Variants in KLRG1 observed in about 807,000 individuals in gnomAD.
KLRG1 encodes killer cell lectin like receptor G1, also known as killer cell lectin-like receptor subfamily G member 1.
KLRG1 carries 16 observed loss-of-function variants against 21.8 expected under a neutral mutation model. That is an observed-to-expected ratio of 0.73 (90% CI 0.50 to 1.11). KLRG1 has a LOEUF of 1.11. KLRG1 is among the 50% of genes most tolerant of loss of function. KLRG1 has a pLI of 0.00. For missense variants in KLRG1, 173 were observed against 218.3 expected, an observed-to-expected ratio of 0.79 and a Z score of 1.31; for synonymous variants, 69 against 75.9, an observed-to-expected ratio of 0.91 and a Z score of 0.47.
the KLRG1 span, among the ~76,000 whole-genome samples, chr12:9,069,311 G>T: frequency 6.6e-6 from 1 of 152,204 alleles, no homozygotes. Flanking sequence ...TATAAAATCA[G>T]ATTGGTTTAC....
the KLRG1 span, among the ~76,000 whole-genome samples, chr12:9,063,820 T>A: frequency 5.9e-5 from 9 of 152,212 alleles, no homozygotes; most frequent in East Asian, 1.7e-3. Context: ...TATTATAGCA[T>A]GGGATATTGT....
chr12:9,052,159 G>A, the KLRG1 span, among the ~76,000 whole-genome samples: 2 of 152,148 alleles, frequency 1.3e-5, no homozygotes, highest in East Asian at 3.9e-4. Context: ...ATTAAATACA[G>A]GATAGTGGAT....
intron 3 of KLRG1, among the ~76,000 whole-genome samples, chr12:9,007,188 A>G (rs977257696): frequency 2.6e-5 from 4 of 152,228 alleles, no homozygotes; most frequent in Non-Finnish European, 5.9e-5. Flanking sequence ...ACCATGAGAA[A>G]TAGCACAAAA....
the KLRG1 span, among the ~76,000 whole-genome samples, chr12:9,022,296 G>T: frequency 6.6e-6 from 1 of 152,214 alleles, no homozygotes; most frequent in East Asian, 1.9e-4. Context: ...ATACCTGAGT[G>T]TTTGTGCAGT....
At chr12:9,012,724 C>T (rs1947649239), downstream of KLRG1, among the ~76,000 whole-genome samples, 1 of 151,960 alleles carries the variant, frequency 6.6e-6, no homozygotes, top group South Asian at 2.1e-4. Flanking sequence ...GTCCTTGATT[C>T]CAGGCTCCTG....
the KLRG1 span, among the ~76,000 whole-genome samples, chr12:9,094,340 CATATATATATATATATATAT>C: frequency 5.1e-3 from 496 of 97,034 alleles, 8 homozygotes; most frequent in African/African-American, 0.017. Context: ...AAAAATTGTG[CATATATATATATATATATAT>C]ATATATATAT....
chr12:8,972,650 A>G (rs770328483), intron 1 of KLRG1, among the ~76,000 whole-genome samples: 13 of 152,096 alleles, frequency 8.5e-5, no homozygotes, highest in South Asian at 2.1e-4. Context: ...TGTGCTCCCT[A>G]TTCTCATCCA....
Position 8,954,297 on chromosome 12 carries a change from T to C in KLRG1, c.-156+4061T>C, listed in dbSNP as rs117629880. ...GCGGGGTAGGGGAAATGGGAAGATG[T>C]AGGTCAAAAGGTACGAAGTTGCGGT... On this transcript the variant is annotated intron_variant, in intron 1 of 4. Transcript: ENST00000539240. Among the ~76,000 whole-genome samples the C allele has an allele frequency of 4.0e-3, 607 of 152,064 alleles. 5 individuals carry two copies. The highest frequency in any genetic ancestry group is 7.5e-3 in the Non-Finnish European group (508 of 67,974).
At chr12:9,074,967 A>G in the KLRG1 span, among the ~76,000 whole-genome samples, 1 of 152,202 alleles carries the variant, frequency 6.6e-6, no homozygotes, top group African/African-American at 2.4e-5. Flanking sequence ...TAAGGCAGAT[A>G]TTGATGCTGG....
At chr12:9,068,131 G>A in the KLRG1 span, 7 of 1,592,870 alleles carry the variant, frequency 4.4e-6, no homozygotes, top group African/African-American at 1.4e-5. Context: ...AAGGTTTGGG[G>A]GGCAAGCTGA....
the KLRG1 span, chr12:9,064,843 C>G: frequency 2.0e-5 from 3 of 152,864 alleles, no homozygotes; most frequent in Non-Finnish European, 4.4e-5. The surrounding 1 kb of genome is among the most constrained non-coding windows in gnomAD (Gnocchi z 4.0). Context: ...GCGGTGTGGC[C>G]ACCGCGCACA....
chr12:8,955,076 C>T (rs1287364548), intron 1 of KLRG1, among the ~76,000 whole-genome samples: 1 of 152,006 alleles, frequency 6.6e-6, no homozygotes, highest in African/African-American at 2.4e-5. Context: ...GCCATCATGT[C>T]TGGCTAATTT....
chr12:9,161,765 C>T, the KLRG1 span, among the ~76,000 whole-genome samples: 2 of 152,172 alleles, frequency 1.3e-5, no homozygotes, highest in East Asian at 1.9e-4. Context: ...AATAATGTGG[C>T]GGTTCTGTAT....
At chr12:9,171,930 C>G in the KLRG1 span, among the ~76,000 whole-genome samples, 1 of 152,118 alleles carries the variant, frequency 6.6e-6, no homozygotes. Context: ...AGGATATCAT[C>G]CAGGAGAACT....
At chr12:9,192,173 A>C in the KLRG1 span, 2 of 1,604,730 alleles carry the variant, frequency 1.2e-6, no homozygotes, top group Non-Finnish European at 1.7e-6. Flanking sequence ...GCAAGGAGAG[A>C]TGAATCTGAG....
At chr12:8,990,593 C>G (rs968194612) in intron 1 of KLRG1, among the ~76,000 whole-genome samples, 2 of 151,920 alleles carry the variant, frequency 1.3e-5, no homozygotes, top group Non-Finnish European at 2.9e-5. Context: ...ATTTGTGTAA[C>G]CTTTTCCTAT....
At chr12:9,035,436 A>G in the KLRG1 span, among the ~76,000 whole-genome samples, 2 of 151,684 alleles carry the variant, frequency 1.3e-5, no homozygotes, top group African/African-American at 2.4e-5. Context: ...ATCACACACC[A>G]GGGCCTGTCA....
intron 1 of KLRG1, among the ~76,000 whole-genome samples, chr12:8,974,067 T>A (rs1196429865): frequency 6.6e-6 from 1 of 152,194 alleles, no homozygotes; most frequent in East Asian, 1.9e-4. Flanking sequence ...GGCTAGGATA[T>A]CCAGCACTAT....
chr12:9,076,979 G>C, the KLRG1 span: 1 of 1,494,532 alleles, frequency 6.7e-7, no homozygotes, highest in Non-Finnish European at 8.9e-7. Context: ...ATGTAAACAG[G>C]CATATTAGCA....
Sources: allele counts gnomAD v4.1 joint callset (sites outside exome capture counted in the v4.1 genomes callset), GRCh38; gene constraint gnomAD v4.1.1; non-coding constraint Gnocchi (gnomAD v3.1); transcripts MANE v1.5; gene names NCBI Gene and HGNC (gene_info 2026-07-23, HGNC 2026-07-21).